The following TMEM38B variants were observed in gnomAD, a reference collection of about 807,000 sequenced individuals.
The protein encoded by TMEM38B is transmembrane protein 38B, also known as trimeric intracellular cation channel type B.
TMEM38B carries 24 observed loss-of-function variants against 28.7 expected under a neutral mutation model. The observed-to-expected ratio is 0.84, with a 90% CI of 0.61 to 1.18. TMEM38B has a LOEUF of 1.18. Ranked by LOEUF, TMEM38B falls within the 50% of genes most tolerant of loss-of-function variation. The pLI, the probability that TMEM38B is intolerant of heterozygous loss-of-function variation, is 0.00. For missense variants in TMEM38B, 380 were observed against 350.9 expected (o/e 1.08, Z -0.66); for synonymous variants, 131 against 127.7 (o/e 1.03, Z -0.17).
intron 5 of TMEM38B, among the ~76,000 whole-genome samples, chr9:105,751,024 C>T (rs923952517): frequency 3.9e-5 from 6 of 152,284 alleles, no homozygotes; most frequent in South Asian, 2.1e-4. Flanking sequence ...ATTACCATTA[C>T]GTCTTAATTG....
At chr9:105,760,149 A>G in intron 5 of TMEM38B, 2 of 880,572 alleles carry the variant, frequency 2.3e-6, no homozygotes, top group South Asian at 2.6e-5. Context: ...TACTTCCGCC[A>G]CCAAATTGTA....
chr9:105,731,310 AT>A (rs1273993592), intron 4 of TMEM38B, among the ~76,000 whole-genome samples: 1 of 151,172 alleles, frequency 6.6e-6, no homozygotes, highest in Non-Finnish European at 1.5e-5. Context: ...TATTATTATT[AT>A]TATTATTATT....
Position 105,766,518 on chromosome 9 carries a change from T to C in TMEM38B, c.661-7347T>C, listed in dbSNP as rs1232714789. Among the ~76,000 whole-genome samples the C allele has an allele frequency of 2.0e-5, 3 of 152,158 alleles. No individual in the cohort carries two copies. The East Asian group carries it at 5.8e-4, about 29-fold the overall frequency. ...ATGTCAATCCTTGGTGAGATATATG[T>C]ATTGCAAATAATTTTCTCCCAGTTT... On this transcript the variant is annotated intron_variant, in intron 5 of 5. Transcript: ENST00000374692.
chr9:105,768,466 C>CT (rs1269302312), intron 5 of TMEM38B, among the ~76,000 whole-genome samples: 1 of 151,936 alleles, frequency 6.6e-6, no homozygotes, highest in Non-Finnish European at 1.5e-5. Flanking sequence ...TCTCTAATCT[C>CT]TGAGTTTATG....
chr9:105,723,223 G>A (rs563631086), intron 4 of TMEM38B, among the ~76,000 whole-genome samples: 1 of 152,182 alleles, frequency 6.6e-6, no homozygotes, highest in East Asian at 1.9e-4. Context: ...CACTGACTTA[G>A]TCTTATTTAT....
chr9:105,714,392 C>T (rs143378393), intron 2 of TMEM38B, among the ~76,000 whole-genome samples: 195 of 152,280 alleles, frequency 1.3e-3, no homozygotes, highest in African/African-American at 4.6e-3. Context: ...AGGGTGCCAC[C>T]AGCCACAAAG....
chr9:105,737,164 A>T (rs570508173), intron 4 of TMEM38B, among the ~76,000 whole-genome samples: 1 of 152,050 alleles, frequency 6.6e-6, no homozygotes, highest in African/African-American at 2.4e-5. Context: ...CATTTACTCT[A>T]TGAGGTCAGA....
intron 5 of TMEM38B, among the ~76,000 whole-genome samples, chr9:105,764,497 A>G (rs1439968613): frequency 1.3e-5 from 2 of 152,210 alleles, no homozygotes; most frequent in African/African-American, 4.8e-5. Flanking sequence ...TTCAAAGAGA[A>G]TGAAATACCT....
chr9:105,713,540 G>A (rs1197533814), intron 2 of TMEM38B, among the ~76,000 whole-genome samples: 1 of 152,228 alleles, frequency 6.6e-6, no homozygotes, highest in Admixed American at 6.5e-5. Flanking sequence ...GTGCTGAAGA[G>A]TGCGGGAGGG....
chr9:105,774,179 T>C lies in TMEM38B; in HGVS notation c.*99T>C, dbSNP rs1826655936. On this transcript the variant is annotated 3_prime_UTR_variant, in exon 6 of 6. Transcript: ENST00000374692. ...TGTATGTGATGTGAAATGAAGACTA[T>C]ATATATGGAATGGAGGTGACAGAAA... The C allele has an allele frequency of 2.1e-6, 2 of 953,618 alleles. No individual in the cohort carries two copies. The highest frequency in any genetic ancestry group is 3.1e-6 in the Non-Finnish European group (2 of 640,130). 59.1% of individuals were successfully genotyped at this position (953,618 alleles called of 1,614,324 possible). A position where few individuals can be genotyped will look rare whatever the true frequency, so the allele number is the denominator to read the frequency against.
rs71306454 is a variant in TMEM38B at position 105,733,421 on chromosome 9, CTTTTTT to C, written c.542+10810_542+10815del. ...ATATTGGCTTGCAGTTTTCTTTTTT[CTTTTTT>C]TTTTTTTTTGCGGTGTCTTTGTCTG... On this transcript the variant is annotated intron_variant, in intron 4 of 5. Transcript: ENST00000374692. Among the ~76,000 whole-genome samples the C allele has an allele frequency of 3.1e-5, 4 of 127,856 alleles. No homozygotes were observed. The East Asian group carries it at 8.9e-4, about 29-fold the overall frequency. 83.9% of individuals were successfully genotyped at this position (127,856 alleles called of 152,430 possible).
chr9:105,763,283 T>C (rs1588472189), intron 5 of TMEM38B, among the ~76,000 whole-genome samples: 1 of 152,214 alleles, frequency 6.6e-6, no homozygotes. Flanking sequence ...TTTGTCAATT[T>C]TGGCTTTGGT....
chr9:105,747,953 C>T, intron 4 of TMEM38B, 120 bp from the exon 5 acceptor site: 1 of 653,590 alleles, frequency 1.5e-6, no homozygotes, highest in Non-Finnish European at 2.7e-6. Context: ...TAACAAAACT[C>T]ATTTTTGCAT....
intron 4 of TMEM38B, 28 bp downstream of exon 4, chr9:105,722,649 C>T: frequency 6.4e-7 from 1 of 1,567,542 alleles, no homozygotes; most frequent in South Asian, 1.1e-5. Context: ...ATACTGAGAC[C>T]TAGATGTTTA....
intron 4 of TMEM38B, among the ~76,000 whole-genome samples, chr9:105,747,537 T>A (rs1837462026): frequency 6.6e-6 from 1 of 152,186 alleles, no homozygotes; most frequent in Non-Finnish European, 1.5e-5. Flanking sequence ...GCTCCTGGAT[T>A]CATTGATTTT....
At chr9:105,767,213 C>G (rs975711071) in intron 5 of TMEM38B, among the ~76,000 whole-genome samples, 21 of 151,912 alleles carry the variant, frequency 1.4e-4, no homozygotes, top group African/African-American at 4.8e-4. Context: ...AGTTCTTTCC[C>G]TCATTGAATG....
intron 5 of TMEM38B, among the ~76,000 whole-genome samples, chr9:105,755,656 T>G (rs1466742330): frequency 6.6e-6 from 1 of 152,216 alleles, no homozygotes; most frequent in Non-Finnish European, 1.5e-5. Context: ...TTGAGAATAA[T>G]TGCCATCTTA....
intron 2 of TMEM38B, among the ~76,000 whole-genome samples, chr9:105,718,112 A>G (rs372875356): frequency 6.6e-6 from 1 of 152,180 alleles, no homozygotes; most frequent in East Asian, 1.9e-4. Context: ...GGAAACAGGA[A>G]TGTTACCTTT....
intron 5 of TMEM38B, among the ~76,000 whole-genome samples, chr9:105,748,575 A>G (rs1837521667): frequency 6.6e-6 from 1 of 152,228 alleles, no homozygotes; most frequent in Admixed American, 6.5e-5. Flanking sequence ...ATATTAGGAC[A>G]TATTTGTAGT....
Sources: gnomAD v4.1 joint callset for allele counts (sites outside exome capture counted in the v4.1 genomes callset) on GRCh38, gnomAD v4.1.1 for gene constraint, MANE v1.5 for transcripts, NCBI Gene and HGNC (gene_info 2026-07-23, HGNC 2026-07-21) for gene names.